Variants in RYR2 observed in about 807,000 individuals in gnomAD.
RYR2 encodes ryanodine receptor 2.
In RYR2, 227 loss-of-function variants were observed where a neutral mutation model predicts 601.1. That is an observed-to-expected ratio of 0.38 (90% CI 0.34 to 0.42). The LOEUF is 0.42. Ranked by LOEUF, RYR2 falls within the 10% of genes least tolerant of loss-of-function variation. The probability of loss-of-function intolerance (pLI) is 1.00; values close to 1 mark genes in which losing one functional copy is unlikely to be tolerated. For missense variants in RYR2, 4,646 were observed against 6,156.5 expected, an observed-to-expected ratio of 0.75 and a Z score of 8.21; for synonymous variants, 2,223 against 2,175.1, an observed-to-expected ratio of 1.02 and a Z score of -0.61.
At chr1:237,817,052 C>G (rs1261724846) in intron 100 of RYR2, among the ~76,000 whole-genome samples, 1 of 152,156 alleles carries the variant, frequency 6.6e-6, no homozygotes, top group Non-Finnish European at 1.5e-5. Flanking sequence ...GACCCCTAAC[C>G]TGGGCTCCAG....
intron 2 of RYR2, among the ~76,000 whole-genome samples, chr1:237,295,611 G>A (rs992148): frequency 0.95 from 144,584 of 152,246 alleles, 69,079 homozygotes; most frequent in Middle Eastern, 1. Context: ...TAGGTAATAT[G>A]AAGTTCTGGA....
At chr1:237,731,367 AT>A (rs1407547948) in intron 77 of RYR2, among the ~76,000 whole-genome samples, 1 of 152,172 alleles carries the variant, frequency 6.6e-6, no homozygotes, top group Admixed American at 6.6e-5. Context: ...TAAAAAAAAA[AT>A]ATTTTTTAAG....
intron 92 of RYR2, among the ~76,000 whole-genome samples, chr1:237,791,060 T>TC (rs1174444996): frequency 8.5e-5 from 13 of 152,142 alleles, no homozygotes; most frequent in Admixed American, 8.5e-4. Flanking sequence ...TATGACTTGC[T>TC]CCCCGCTTGT....
intron 1 of RYR2, among the ~76,000 whole-genome samples, chr1:237,251,065 T>C (rs993965677): frequency 2.8e-5 from 2 of 71,028 alleles, no homozygotes; most frequent in African/African-American, 3.9e-5. Context: ...TGTGTGTGTA[T>C]GCATATAGAT....
chr1:237,764,750 C>G (rs1329960427), intron 84 of RYR2, among the ~76,000 whole-genome samples: 1 of 152,018 alleles, frequency 6.6e-6, no homozygotes, highest in Non-Finnish European at 1.5e-5. Context: ...CCTGGCTGCC[C>G]CTTGACTTAT....
Position 237,730,253 on chromosome 1 carries a change from C to G in RYR2, c.10839-7C>G. ...ACCCTTTTTCTGAAATTGTGCTTAC[C>G]TTTCAGGCATCGGGCTGTCAATCTC... On this transcript the variant is annotated splice_polypyrimidine_tract_variant and splice_region_variant and intron_variant, in intron 76 of 104. Coordinates refer to ENST00000366574, the MANE Select transcript of RYR2 (RefSeq NM_001035.3). The G allele has an allele frequency of 6.4e-7, 1 of 1,564,088 alleles. No individual in the cohort carries two copies.
At chr1:237,170,788 A>G (rs1677272102) in intron 1 of RYR2, among the ~76,000 whole-genome samples, 1 of 152,054 alleles carries the variant, frequency 6.6e-6, no homozygotes, top group Admixed American at 6.6e-5. Flanking sequence ...CAAAACACAG[A>G]ACGTGTCTGA....
Position 237,795,316 on chromosome 1 carries a change from AT to A in RYR2, c.13944del (p.Phe4648LeufsTer51). The A allele has an allele frequency of 7.0e-7, 1 of 1,430,488 alleles. No individual in the cohort carries two copies. Among genetic ancestry groups the A allele is most frequent in the Non-Finnish European group, 9.6e-7 (1 of 1,039,952 alleles). The allele number at this position is 1,430,488 out of a possible 1,614,324, so 88.6% of individuals were successfully genotyped here. On this transcript the variant is annotated frameshift_variant, in exon 96 of 105. Transcript: ENST00000366574. LOFTEE classifies it high-confidence loss of function. ...QSFPNNYWDK[F>X]VKRKVMDKYG... ...CATTTCCCAACAACTACTGGGACAA[AT>A]TTGTTAAAAGAAAGGTAATATTACT...
In RYR2 at chr1:237,565,179, CTTTCTTTCTTTCTT is replaced by C. The variant is rs1671898655; in HGVS notation, c.3215-1386_3215-1373del. On this transcript the variant is annotated intron_variant, in intron 27 of 104. Coordinates refer to ENST00000366574, the MANE Select transcript of RYR2 (RefSeq NM_001035.3). ...TTTCTCTTTCTTTCTTTCTTTCTTTCTTTCTTTCTTTCTTTCTTTCTTTCTTTCTTTCTTTCTTT... is the reference window on the plus strand; with the variant it reads ...TTTCTCTTTCTTTCTTTCTTTCTTTCTCTTTCTTTCTTTCTTTCTTTCTTT... 8.1e-4 allele frequency among the ~76,000 whole-genome samples: 98 copies of C among 120,304 alleles called. 1 individual carries two copies. In the East Asian group the frequency reaches 0.014, roughly 17 times the overall value. 78.9% of individuals were successfully genotyped at this position (120,304 alleles called of 152,430 possible). A position where few individuals can be genotyped will look rare whatever the true frequency, so the allele number is the denominator to read the frequency against.
rs1023785217 is a variant in RYR2, at chr1:237,215,793, A to G, written c.49-54704A>G. Among the ~76,000 whole-genome samples, 4 of 152,330 alleles carry G rather than the reference A, an allele frequency of 2.6e-5. No individual in the cohort carries two copies. The South Asian group carries it at 8.3e-4, about 32-fold the overall frequency. ...ATAGTTTGGGGGATCAATACTGTTT[A>G]CAAAATTCCCCTCCAAAGTTTCACA... On this transcript the variant is annotated intron_variant, in intron 1 of 104. Transcript: ENST00000366574.
At chr1:237,114,017 T>C (rs1669793101) in intron 1 of RYR2, among the ~76,000 whole-genome samples, 1 of 152,200 alleles carries the variant, frequency 6.6e-6, no homozygotes, top group Non-Finnish European at 1.5e-5. Flanking sequence ...GTGCCACTAG[T>C]ACATGGTCAC....
intron 5 of RYR2, among the ~76,000 whole-genome samples, chr1:237,366,487 G>GCT (rs1700202000): frequency 1.3e-5 from 2 of 151,878 alleles, no homozygotes; most frequent in South Asian, 4.2e-4. Context: ...CTGCAACCTG[G>GCT]AACTCCTGGG....
intron 78 of RYR2, among the ~76,000 whole-genome samples, chr1:237,732,358 T>C (rs1400325580): frequency 2.0e-5 from 3 of 152,204 alleles, no homozygotes; most frequent in African/African-American, 7.2e-5. Context: ...AGTTCTAGTT[T>C]TTCTTAACAA....
chr1:237,503,581 C>A, intron 22 of RYR2, 76 bp downstream of exon 22: 3 of 1,429,020 alleles, frequency 2.1e-6, no homozygotes, highest in South Asian at 1.2e-5. Context: ...ACTTGGACCA[C>A]AACCCATAGG....
chr1:237,510,068 C>T (rs2150537335), intron 23 of RYR2, among the ~76,000 whole-genome samples: 1 of 152,250 alleles, frequency 6.6e-6, no homozygotes. Context: ...TTGAAAAATG[C>T]TTAGCAGGAA....
At chr1:237,119,294 A>C (rs534031225) in intron 1 of RYR2, among the ~76,000 whole-genome samples, 2 of 152,202 alleles carry the variant, frequency 1.3e-5, no homozygotes, top group African/African-American at 2.4e-5. Flanking sequence ...CCAACACTTC[A>C]TCTCAGATGT....
At chr1:237,636,565 A>G (rs1034885670) in intron 44 of RYR2, among the ~76,000 whole-genome samples, 4 of 152,224 alleles carry the variant, frequency 2.6e-5, no homozygotes, top group South Asian at 2.1e-4. Flanking sequence ...ACTCTCTTCT[A>G]CTTCTGTTGT....
intron 46 of RYR2, among the ~76,000 whole-genome samples, chr1:237,639,933 T>A (rs1233232973): frequency 6.6e-6 from 1 of 152,096 alleles, no homozygotes; most frequent in Non-Finnish European, 1.5e-5. Context: ...CTTTTACATA[T>A]AAACTGGGCA....
intron 24 of RYR2, among the ~76,000 whole-genome samples, chr1:237,527,167 A>C (rs1226849903): frequency 6.6e-6 from 1 of 152,162 alleles, no homozygotes; most frequent in East Asian, 1.9e-4. Flanking sequence ...CTATGTGTCT[A>C]ATTTTGTACC....
Sources: allele counts gnomAD v4.1 joint callset (sites outside exome capture counted in the v4.1 genomes callset), GRCh38; gene constraint gnomAD v4.1.1; transcripts MANE v1.5; gene names NCBI Gene and HGNC (gene_info 2026-07-23, HGNC 2026-07-21).